ITGAX: variants seen among roughly 807,000 people sequenced by gnomAD.
The protein encoded by ITGAX is integrin subunit alpha X, also known as integrin alpha-X.
Under a neutral mutation model 140.2 loss-of-function variants are expected in ITGAX, and 99 were observed. The ratio of observed to expected loss-of-function variants is 0.71; its 90% CI spans 0.60 to 0.83. ITGAX has a LOEUF of 0.83. Among genes scored for constraint, ITGAX ranks in the 40% least tolerant of loss-of-function variants. The pLI is 0.00. For synonymous variants in ITGAX, 631 were observed against 600.4 expected, an observed-to-expected ratio of 1.05 and a Z score of -0.75; for missense variants, 1,444 against 1,482.0, an observed-to-expected ratio of 0.97 and a Z score of 0.42.
At chr16:31,378,633 C>T (rs58724472) in intron 23 of ITGAX, among the ~76,000 whole-genome samples, 43,353 of 151,722 alleles carry the variant, frequency 0.29, 7,471 homozygotes, top group East Asian at 0.57. Flanking sequence ...CCATGCCTGG[C>T]TAATTTAAAA....
At chr16:31,366,528 T>C (rs2080894523) in intron 14 of ITGAX, among the ~76,000 whole-genome samples, 1 of 152,230 alleles carries the variant, frequency 6.6e-6, no homozygotes, top group Admixed American at 6.5e-5. Context: ...TATTTATTTA[T>C]TTATTGAGGC....
chr16:31,369,231 G>A (rs1173259607), intron 14 of ITGAX, among the ~76,000 whole-genome samples: 8 of 144,714 alleles, frequency 5.5e-5, no homozygotes, highest in African/African-American at 1.3e-4. Context: ...CTGGCCGGGC[G>A]GGGGGCTGAC....
intron 12 of ITGAX, 35 bp from the exon 13 acceptor site, chr16:31,362,900 G>C: frequency 6.2e-7 from 1 of 1,610,014 alleles, no homozygotes. Context: ...GCCTCTGGCA[G>C]GGACAGGCAG....
chr16:31,378,875 G>C (rs1016244658), intron 23 of ITGAX, among the ~76,000 whole-genome samples: 1 of 148,754 alleles, frequency 6.7e-6, no homozygotes, highest in Non-Finnish European at 1.5e-5. Context: ...GAGTGCAGTT[G>C]TACCATCTCT....
intron 5 of ITGAX, 172 bp downstream of exon 5, chr16:31,357,536 C>T (rs754234229): frequency 3.1e-5 from 18 of 587,760 alleles, no homozygotes; most frequent in Admixed American, 2.7e-4. Flanking sequence ...GCCGATCGCC[C>T]GCACGCTGCC....
At chr16:31,357,229 C>G (rs370901437) in intron 4 of ITGAX, 24 bp from the exon 5 acceptor site, 9 of 1,568,606 alleles carry the variant, frequency 5.7e-6, no homozygotes, top group East Asian at 4.6e-5. Flanking sequence ...GGGGCAGCCC[C>G]CCAGCAGCCC....
In ITGAX at chr16:31,371,228, T is replaced by C; in HGVS notation, c.1841+14T>C. The C allele has an allele frequency of 6.2e-7, 1 of 1,603,050 alleles. No homozygotes were observed. Among genetic ancestry groups the C allele is most frequent in the Non-Finnish European group, 8.5e-7 (1 of 1,173,584 alleles). On this transcript the variant is annotated intron_variant, in intron 15 of 29. Coordinates refer to ENST00000268296, the MANE Select transcript of ITGAX (RefSeq NM_000887.5). ...GCTCCTGCTCAGGTGAGAGCAGCCT[T>C]TCTCAGAGGCTCCCCAGGTGGTCCT... is the stretch of plus-strand genomic sequence containing the variant.
At chr16:31,380,694 G>T in intron 28 of ITGAX, 70 bp downstream of exon 28, 1 of 1,588,404 alleles carries the variant, frequency 6.3e-7, no homozygotes, top group African/African-American at 1.3e-5. Flanking sequence ...GTGGTGCTGG[G>T]TGGGGGGTTT....
At chr16:31,369,453 T>C (rs536305391) in intron 14 of ITGAX, among the ~76,000 whole-genome samples, 1 of 152,302 alleles carries the variant, frequency 6.6e-6, no homozygotes, top group South Asian at 2.1e-4. Context: ...CATCGCATGC[T>C]CCAGAGAAAT....
In ITGAX at chr16:31,355,189, G is replaced by A. The variant is rs958521604; in HGVS notation, c.-66G>A. On this transcript the variant is annotated 5_prime_UTR_variant, in exon 1 of 30. Coordinates refer to ENST00000268296, the MANE Select transcript of ITGAX (RefSeq NM_000887.5). ...ACCTCTCTGCCCACTTGCTTCCTCA[G>A]TACCTTGGTCCAGCTCTTCCTGCAA... The A allele has an allele frequency of 7.8e-5, 123 of 1,580,532 alleles. No individual in the cohort carries two copies. Among genetic ancestry groups the A allele is most frequent in the Non-Finnish European group, 1.0e-4 (120 of 1,152,346 alleles).
In ITGAX at chr16:31,363,264, G is replaced by A; in HGVS notation, c.1600G>A (p.Asp534Asn). Reference sequence around the variant, plus strand: ...GACAGTGCTGGGGGATGTGAATGGGGACAAGCTGACAGACGTGGTCATCGG... The same window carrying A: ...GACAGTGCTGGGGGATGTGAATGGGAACAAGCTGACAGACGTGGTCATCGG... ...ALTVLGDVNGDKLTDVVIGAP... is the reference protein window; with the variant it reads ...ALTVLGDVNGNKLTDVVIGAP... Residue 534 changes from aspartate to asparagine, a missense_variant, in exon 14 of 30, where the codon GAC becomes AAC. Coordinates refer to ENST00000268296, the MANE Select transcript of ITGAX (RefSeq NM_000887.5). The A allele has an allele frequency of 6.2e-7, 1 of 1,614,018 alleles. No individual in the cohort carries two copies.
chr16:31,361,536 C>T, intron 9 of ITGAX: 1 of 696,332 alleles, frequency 1.4e-6, no homozygotes. Context: ...GCCCACATCC[C>T]ACCAGCCACT....
In ITGAX at chr16:31,380,516, T is replaced by C. The variant is rs371550496; in HGVS notation, c.3175-7T>C. The C allele has an allele frequency of 1.5e-4, 242 of 1,614,134 alleles. No individual in the cohort carries two copies. Among genetic ancestry groups the C allele is most frequent in the Non-Finnish European group, 1.9e-4 (230 of 1,180,060 alleles). The stretch of plus-strand genomic sequence containing the variant: ...AGTTCAACAGGTTTCCCCCAACCCC[T>C]TTGCAGATATTGCAGAAGAAGGTGT... On this transcript the variant is annotated splice_polypyrimidine_tract_variant and splice_region_variant and intron_variant, in intron 27 of 29. Transcript: ENST00000268296.
In ITGAX at chr16:31,381,962, C is replaced by G. The variant is rs2081072971; in HGVS notation, c.*55C>G. 7.3e-7 allele frequency: 1 copy of G among 1,366,676 alleles called. No homozygotes were observed. The highest frequency in any genetic ancestry group is 1.7e-5 in the Admixed American group (1 of 58,090). The allele number at this position is 1,366,676 out of a possible 1,614,324, so 84.7% of individuals were successfully genotyped here. A position where few individuals can be genotyped will look rare whatever the true frequency, so the allele number is the denominator to read the frequency against. Reference sequence around the variant, plus strand: ...CCGCGAGTTTTCCCCACTTACTTACCCTCACCTGTCAGGCCTGACGGGGAG... The same window carrying G: ...CCGCGAGTTTTCCCCACTTACTTACGCTCACCTGTCAGGCCTGACGGGGAG... On this transcript the variant is annotated 3_prime_UTR_variant, in exon 30 of 30. Coordinates refer to ENST00000268296, the MANE Select transcript of ITGAX (RefSeq NM_000887.5).
In ITGAX at chr16:31,359,934, G is replaced by C; in HGVS notation, c.576G>C (p.Gln192His). The C allele has an allele frequency of 6.2e-7, 1 of 1,614,158 alleles. No homozygotes were observed. The highest frequency in any genetic ancestry group is 8.5e-7 in the Non-Finnish European group (1 of 1,180,038). ...GCTTCTCCCAGTTTTCCCTGATGCA[G>C]TTCTCCAACAAATTCCAAACACACT... is the stretch of plus-strand genomic sequence containing the variant. Reference protein sequence around the residue: ...QRPSTQFSLMQFSNKFQTHFT... With the variant: ...QRPSTQFSLMHFSNKFQTHFT... Residue 192 changes from glutamine to histidine, a missense_variant, in exon 7 of 30, where the codon CAG becomes CAC. Coordinates refer to ENST00000268296, the MANE Select transcript of ITGAX (RefSeq NM_000887.5).
intron 10 of ITGAX, 53 bp from the exon 11 acceptor site, chr16:31,362,022 A>G: frequency 6.2e-7 from 1 of 1,613,664 alleles, no homozygotes; most frequent in South Asian, 1.1e-5. Flanking sequence ...TCTCTGGTAC[A>G]TGCTGTCTTC....
intron 9 of ITGAX, chr16:31,361,428 A>G: frequency 1.5e-6 from 1 of 689,550 alleles, no homozygotes. Context: ...TGCTCCCCAC[A>G]GAGAGTGATC....
chr16:31,361,506 C>T, intron 9 of ITGAX: 1 of 676,258 alleles, frequency 1.5e-6, no homozygotes, highest in South Asian at 1.8e-5. Context: ...GACCCTTCCA[C>T]CCACACCGGG....
Position 31,380,899 on chromosome 16 carries a change from G to A in ITGAX, c.3279G>A (p.Thr1093=), listed in dbSNP as rs759259184. Residue 1093 remains threonine (T), a splice_region_variant and synonymous_variant, in exon 29 of 30, where the codon ACG becomes ACA. Coordinates refer to ENST00000268296, the MANE Select transcript of ITGAX (RefSeq NM_000887.5). ...PGQEAFMRAQ[T]TTVLEKYKVH... ...TGACAGGGTCACTTCCACTTCAGAC[G>A]ACAACGGTGCTGGAGAAGTACAAGG... 12 of 1,613,932 alleles carry A rather than the reference G, an allele frequency of 7.4e-6. No homozygotes were observed. The highest frequency in any genetic ancestry group is 4.5e-5 in the East Asian group (2 of 44,874).
Sources: allele counts gnomAD v4.1 joint callset (sites outside exome capture counted in the v4.1 genomes callset), GRCh38; gene constraint gnomAD v4.1.1; transcripts MANE v1.5; gene names NCBI Gene and HGNC (gene_info 2026-07-23, HGNC 2026-07-21).